Variants in IGF1R observed in about 807,000 individuals in gnomAD.
IGF1R encodes the protein insulin like growth factor 1 receptor.
Under a neutral mutation model 144.6 loss-of-function variants are expected in IGF1R, and 44 were observed. That is an observed-to-expected ratio of 0.30 (90% CI 0.24 to 0.39). The LOEUF (loss-of-function observed/expected upper bound fraction) is 0.39. Among genes scored for constraint, IGF1R ranks in the 10% least tolerant of loss-of-function variants. The probability of loss-of-function intolerance (pLI) is 1.00; values close to 1 mark genes in which losing one functional copy is unlikely to be tolerated. For missense variants in IGF1R, 1,355 were observed against 1,833.7 expected, an observed-to-expected ratio of 0.74 and a Z score of 4.77; for synonymous variants, 795 against 722.8, an observed-to-expected ratio of 1.10 and a Z score of -1.60.
At chr15:98,910,669 A>C (rs2014969903) in intron 6 of IGF1R, among the ~76,000 whole-genome samples, 1 of 152,240 alleles carries the variant, frequency 6.6e-6, no homozygotes, top group Non-Finnish European at 1.5e-5. Flanking sequence ...CCCGCCAGCC[A>C]GGCTACTTCC....
At chr15:98,897,032 C>T (rs1262732410) in intron 4 of IGF1R, 127 bp downstream of exon 4, 1 of 841,374 alleles carries the variant, frequency 1.2e-6, no homozygotes, top group Non-Finnish European at 2.0e-6. Flanking sequence ...GTGTGTAAGC[C>T]TCACGCATGA....
At chr15:98,790,099 C>T (rs148769207) in intron 2 of IGF1R, among the ~76,000 whole-genome samples, 39 of 152,112 alleles carry the variant, frequency 2.6e-4, no homozygotes, top group African/African-American at 9.2e-4. Context: ...GGAAAGAGGC[C>T]GGGACAGGTG....
chr15:98,940,928 C>T (rs1031405056), intron 18 of IGF1R, among the ~76,000 whole-genome samples: 6 of 152,156 alleles, frequency 3.9e-5, no homozygotes, highest in Admixed American at 6.5e-5. Context: ...CCCAAGAGGC[C>T]GTCCTGCCTC....
intron 2 of IGF1R, among the ~76,000 whole-genome samples, chr15:98,844,901 C>T (rs2011253451): frequency 6.6e-6 from 1 of 152,120 alleles, no homozygotes; most frequent in Non-Finnish European, 1.5e-5. Flanking sequence ...TATGCTTCAA[C>T]TATAATTACA....
chr15:98,876,331 A>G (rs1350293293), intron 2 of IGF1R, among the ~76,000 whole-genome samples: 1 of 136,442 alleles, frequency 7.3e-6, no homozygotes, highest in African/African-American at 2.8e-5. Flanking sequence ...AAAAAAAGAG[A>G]GAGAGAGTCT....
At chr15:98,665,693 G>A (rs189430015) in intron 1 of IGF1R, among the ~76,000 whole-genome samples, 5 of 152,352 alleles carry the variant, frequency 3.3e-5, no homozygotes, top group South Asian at 2.1e-4. Context: ...CCCTTTGTGC[G>A]TGGATGGCTG....
intron 2 of IGF1R, among the ~76,000 whole-genome samples, chr15:98,883,073 C>G (rs1260184965): frequency 6.6e-6 from 1 of 152,198 alleles, no homozygotes; most frequent in African/African-American, 2.4e-5. Context: ...TCTTCTGGGT[C>G]TAACTACTAT....
chr15:98,700,849 T>G (rs1233695490), intron 1 of IGF1R, among the ~76,000 whole-genome samples: 1 of 152,094 alleles, frequency 6.6e-6, no homozygotes, highest in Admixed American at 6.5e-5. Flanking sequence ...CTTCCTGACC[T>G]CCTCGGAGAT....
At chr15:98,871,652 CA>C (rs2012792362) in intron 2 of IGF1R, among the ~76,000 whole-genome samples, 2 of 152,202 alleles carry the variant, frequency 1.3e-5, no homozygotes, top group African/African-American at 4.8e-5. Flanking sequence ...AGGTACATCT[CA>C]CATGGCAGCA....
chr15:98,692,379 G>C (rs1596193284), intron 1 of IGF1R, among the ~76,000 whole-genome samples: 1 of 152,118 alleles, frequency 6.6e-6, no homozygotes, highest in Non-Finnish European at 1.5e-5. Context: ...GTCTTGCTCT[G>C]TTCAGGCTGG....
chr15:98,905,491 TA>T (rs67289421), intron 5 of IGF1R, among the ~76,000 whole-genome samples: 4,253 of 142,064 alleles, frequency 0.03, 183 homozygotes, highest in African/African-American at 0.099. Context: ...TACCAGCTGT[TA>T]AAAAAAAAAA....
chr15:98,658,950 T>C (rs777681378), intron 1 of IGF1R, among the ~76,000 whole-genome samples: 2 of 152,244 alleles, frequency 1.3e-5, no homozygotes, highest in African/African-American at 2.4e-5. Flanking sequence ...GAATCTACTT[T>C]AAACATTCAT....
At chr15:98,954,371 A>C (rs1030325514) in intron 20 of IGF1R, 6 of 150,400 alleles carry the variant, frequency 4.0e-5, no homozygotes, top group African/African-American at 1.5e-4. Context: ...GGATGGCGCC[A>C]GCCTCCCCAG....
At chr15:98,741,638 C>A (rs138884789) in intron 2 of IGF1R, among the ~76,000 whole-genome samples, 5 of 152,320 alleles carry the variant, frequency 3.3e-5, no homozygotes, top group African/African-American at 1.2e-4. Context: ...CAGAGCTAGT[C>A]CAGCACTGCT....
chr15:98,957,741 TCTGTCC>T lies in IGF1R; in HGVS notation c.*306_*311del, dbSNP rs1288048848. ...AGCACTTGAGAACCAGTCTCCTCACTCTGTCCCTGTCCTTCCCTGTTCTCCCTTTCT... is the reference window on the plus strand; with the variant it reads ...AGCACTTGAGAACCAGTCTCCTCACTCTGTCCTTCCCTGTTCTCCCTTTCT... On this transcript the variant is annotated 3_prime_UTR_variant, in exon 21 of 21. Transcript: ENST00000650285. The T allele has an allele frequency of 4.1e-6, 2 of 490,234 alleles. No homozygotes were observed. The highest frequency in any genetic ancestry group is 3.8e-5 in the African/African-American group (2 of 52,016). 30.4% of individuals were successfully genotyped at this position (490,234 alleles called of 1,614,324 possible).
intron 2 of IGF1R, among the ~76,000 whole-genome samples, chr15:98,740,948 G>T (rs750023669): frequency 1.3e-5 from 2 of 152,160 alleles, no homozygotes; most frequent in Non-Finnish European, 2.9e-5. Flanking sequence ...ATTCCTCAAG[G>T]ATAGCTTTGC....
Position 98,930,565 on chromosome 15 carries a change from C to T in IGF1R, c.2956+260C>T, listed in dbSNP as rs149385453. ...AGGCTTTAGAGATGAATGTGGCCAG[C>T]GCAGTAATCAATTTATTTAATTGCT... On this transcript the variant is annotated intron_variant, in intron 15 of 20. Coordinates refer to ENST00000650285, the MANE Select transcript of IGF1R (RefSeq NM_000875.5). 3.9e-3 allele frequency among the ~76,000 whole-genome samples: 590 copies of T among 152,080 alleles called. 5 individuals are homozygous for T. The highest frequency in any genetic ancestry group is 0.013 in the African/African-American group (554 of 41,466).
chr15:98,802,738 G>C (rs2056388391), intron 2 of IGF1R, among the ~76,000 whole-genome samples: 1 of 152,172 alleles, frequency 6.6e-6, no homozygotes, highest in Non-Finnish European at 1.5e-5. Flanking sequence ...GGTAATTGAA[G>C]CTTACTTCTC....
intron 2 of IGF1R, among the ~76,000 whole-genome samples, chr15:98,865,188 T>C (rs2012363061): frequency 6.6e-6 from 1 of 152,192 alleles, no homozygotes; most frequent in East Asian, 1.9e-4. Context: ...GGGCACAGAA[T>C]TCACAATATC....
Sources: gnomAD v4.1 joint callset for allele counts (sites outside exome capture counted in the v4.1 genomes callset) on GRCh38, gnomAD v4.1.1 for gene constraint, MANE v1.5 for transcripts, NCBI Gene and HGNC (gene_info 2026-07-23, HGNC 2026-07-21) for gene names.